The following ZPLD1 variants were observed in gnomAD, a reference collection of about 807,000 sequenced individuals.
ZPLD1 encodes zona pellucida like domain containing 1.
ZPLD1 carries 34 observed loss-of-function variants against 47.2 expected under a neutral mutation model. The observed-to-expected ratio is 0.72, with a 90% confidence interval of 0.55 to 0.96. The LOEUF (loss-of-function observed/expected upper bound fraction) is 0.96. ZPLD1 is among the 40% of genes least tolerant of loss of function. ZPLD1 has a pLI of 0.00. For missense variants in ZPLD1, 512 were observed against 505.8 expected, an observed-to-expected ratio of 1.01 and a Z score of -0.12; for synonymous variants, 176 against 186.2, an observed-to-expected ratio of 0.95 and a Z score of 0.45.
intron 3 of ZPLD1, among the ~76,000 whole-genome samples, chr3:102,440,764 T>C (rs1230049324): frequency 6.7e-6 from 1 of 148,246 alleles, no homozygotes; most frequent in Non-Finnish European, 1.5e-5. Flanking sequence ...AGGAGCAACC[T>C]GAGCCAGGAA....
intron 3 of ZPLD1, among the ~76,000 whole-genome samples, chr3:102,440,793 G>A (rs1032544188): frequency 7.3e-5 from 11 of 150,140 alleles, no homozygotes; most frequent in Non-Finnish European, 1.2e-4. Flanking sequence ...AAAGAAAGGA[G>A]CAACCTGAGG....
intron 10 of ZPLD1, among the ~76,000 whole-genome samples, chr3:102,475,522 C>G: frequency 6.6e-6 from 1 of 152,076 alleles, no homozygotes; most frequent in Admixed American, 6.5e-5. Context: ...TATTCTCCTC[C>G]TATGTTCCAG....
Position 102,477,552 on chromosome 3 carries a change from C to T in ZPLD1, c.1182C>T (p.Ala394=), listed in dbSNP as rs371325163. 4.0e-5 allele frequency: 64 copies of T among 1,613,648 alleles called. No homozygotes were observed. The highest frequency in any genetic ancestry group is 8.5e-6 in the Non-Finnish European group (10 of 1,179,786). The change falls in exon 12 of 12, where the codon GCC becomes GCT. Residue 394 remains alanine (A), a synonymous_variant. Coordinates refer to ENST00000466937, the MANE Select transcript of ZPLD1 (RefSeq NM_001329788.2). Reference sequence around the variant, plus strand: ...TTTCTCTTCTTCTGTGCTCACTGGCCCTTCTGCACAGGAAGGGACCCACAA... The same window carrying T: ...TTTCTCTTCTTCTGTGCTCACTGGCTCTTCTGCACAGGAAGGGACCCACAA... ...TSFSLLLCSL[A]LLHRKGPTSL...
intron 1 of ZPLD1, among the ~76,000 whole-genome samples, chr3:102,436,100 C>G (rs1423867676): frequency 1.3e-5 from 2 of 152,176 alleles, no homozygotes; most frequent in African/African-American, 2.4e-5. Context: ...GTATTAATCA[C>G]TATGAAAGTG....
intron 7 of ZPLD1, among the ~76,000 whole-genome samples, chr3:102,392,432 C>T (rs1426644669): frequency 3.3e-5 from 5 of 152,084 alleles, no homozygotes; most frequent in African/African-American, 9.7e-5. Context: ...CTGGTGGGAA[C>T]CCTCTATAGA....
chr3:102,434,754 G>A (rs187421976), upstream of ZPLD1, among the ~76,000 whole-genome samples: 38 of 152,258 alleles, frequency 2.5e-4, no homozygotes, highest in Middle Eastern at 3.4e-3. Flanking sequence ...CAGAGACATT[G>A]GTTGCTGCAC....
intron 6 of ZPLD1, among the ~76,000 whole-genome samples, chr3:102,460,911 G>A (rs141735510): frequency 0.015 from 2,225 of 151,508 alleles, 28 homozygotes; most frequent in Non-Finnish European, 0.022. Flanking sequence ...GTTGGAAAAG[G>A]GAGCCTGAAA....
At chr3:102,450,823 T>C (rs1046708265) in intron 3 of ZPLD1, among the ~76,000 whole-genome samples, 2 of 152,206 alleles carry the variant, frequency 1.3e-5, no homozygotes, top group Admixed American at 6.5e-5. Context: ...AGTTCATAGA[T>C]ACTCATAAAC....
intron 8 of ZPLD1, among the ~76,000 whole-genome samples, chr3:102,418,622 C>A (rs1311943836): frequency 6.6e-6 from 1 of 151,896 alleles, no homozygotes; most frequent in Non-Finnish European, 1.5e-5. Flanking sequence ...ACAGACTTTG[C>A]CAGCCGGCTA....
intron 6 of ZPLD1, among the ~76,000 whole-genome samples, chr3:102,385,714 T>C (rs1364678665): frequency 6.6e-6 from 1 of 152,248 alleles, no homozygotes; most frequent in Admixed American, 6.5e-5. Context: ...AAATCGCCAA[T>C]GTTAAGATTT....
At chr3:102,435,254 C>T in intron 1 of ZPLD1, 100 bp downstream of exon 1, 1 of 1,317,596 alleles carries the variant, frequency 7.6e-7, no homozygotes, top group Non-Finnish European at 1.1e-6. Flanking sequence ...GTAAGCCCTG[C>T]CAAGACTATA....
intron 6 of ZPLD1, among the ~76,000 whole-genome samples, chr3:102,459,981 A>G (rs1435011830): frequency 6.6e-6 from 1 of 152,114 alleles, no homozygotes; most frequent in Non-Finnish European, 1.5e-5. Flanking sequence ...TCAATGCCTC[A>G]AACTAAAAAT....
At chr3:102,402,116 G>A (rs1446053311) in intron 7 of ZPLD1, among the ~76,000 whole-genome samples, 1 of 151,972 alleles carries the variant, frequency 6.6e-6, no homozygotes. Flanking sequence ...TCAGTAAAAT[G>A]AGGCATTTCT....
At chr3:102,444,784 G>T (rs532404242) in intron 3 of ZPLD1, among the ~76,000 whole-genome samples, 2 of 152,290 alleles carry the variant, frequency 1.3e-5, no homozygotes, top group East Asian at 1.9e-4. Flanking sequence ...ATATTGAACA[G>T]ATTGCTGTTT....
chr3:102,468,428 A>G (rs1368063365), intron 8 of ZPLD1, among the ~76,000 whole-genome samples: 1 of 152,218 alleles, frequency 6.6e-6, no homozygotes, highest in Non-Finnish European at 1.5e-5. Flanking sequence ...AAACATGTCC[A>G]TGATGAAATA....
intron 7 of ZPLD1, among the ~76,000 whole-genome samples, chr3:102,404,242 T>C (rs1309880022): frequency 1.3e-5 from 2 of 151,992 alleles, no homozygotes; most frequent in African/African-American, 4.8e-5. Flanking sequence ...GATATGCGTG[T>C]AAATAACCTT....
At chr3:102,475,597 A>C (rs983308890) in intron 10 of ZPLD1, among the ~76,000 whole-genome samples, 1 of 152,210 alleles carries the variant, frequency 6.6e-6, no homozygotes, top group African/African-American at 2.4e-5. Flanking sequence ...TAGTCCATTC[A>C]TCCCACCTGT....
In ZPLD1 at chr3:102,477,582, A is replaced by T. The variant is rs752158064; in HGVS notation, c.1212A>T (p.Leu404Phe). Residue 404 changes from leucine to phenylalanine, a missense_variant, in exon 12 of 12, where the codon TTA (leucine) becomes TTT (phenylalanine). By Grantham distance (22) the Leu-to-Phe change is conservative. Transcript: ENST00000466937. ...TGCACAGGAAGGGACCCACAAGTTT[A>T]GTGTTGAATGGCATAAGAAACCCAG... ...ALLHRKGPTS[L>F]VLNGIRNPVF... is the part of the protein sequence containing the mutation. 1.2e-6 allele frequency: 2 copies of T among 1,613,404 alleles called. No homozygotes were observed. Among genetic ancestry groups the T allele is most frequent in the Non-Finnish European group, 1.7e-6 (2 of 1,179,612 alleles).
chr3:102,387,757 A>G (rs1706446721), intron 6 of ZPLD1, among the ~76,000 whole-genome samples: 1 of 152,018 alleles, frequency 6.6e-6, no homozygotes, highest in South Asian at 2.1e-4. Flanking sequence ...AAATTTTACA[A>G]TAAAGTGTCT....
Sources: gnomAD v4.1 joint callset for allele counts (sites outside exome capture counted in the v4.1 genomes callset) on GRCh38, gnomAD v4.1.1 for gene constraint, MANE v1.5 for transcripts, NCBI Gene and HGNC (gene_info 2026-07-23, HGNC 2026-07-21) for gene names.